The following FHIP1A variants were observed in gnomAD, a reference collection of about 807,000 sequenced individuals.
FHIP1A encodes the protein FHF complex subunit HOOK interacting protein 1A.
A neutral mutation model predicts 88.6 loss-of-function variants in FHIP1A; 61 were observed. The observed-to-expected ratio is 0.69, with a 90% CI of 0.56 to 0.85. The LOEUF (loss-of-function observed/expected upper bound fraction) is 0.85, where lower values mean the gene tolerates loss of function less well. FHIP1A is among the 40% of genes least tolerant of loss of function. The probability of loss-of-function intolerance (pLI) is 0.00; values close to 1 mark genes in which losing one functional copy is unlikely to be tolerated. For synonymous variants in FHIP1A, 478 were observed against 496.0 expected, an observed-to-expected ratio of 0.96 and a Z score of 0.48; for missense variants, 1,154 against 1,273.5, an observed-to-expected ratio of 0.91 and a Z score of 1.43.
chr4:151,662,239 A>G (rs1737486274), intron 13 of FHIP1A, among the ~76,000 whole-genome samples: 1 of 152,236 alleles, frequency 6.6e-6, no homozygotes, highest in African/African-American at 2.4e-5. Flanking sequence ...TATTCTTGCC[A>G]TGATTTCTGC....
intron 7 of FHIP1A, among the ~76,000 whole-genome samples, chr4:151,617,414 G>C (rs1165529991): frequency 6.6e-6 from 1 of 152,052 alleles, no homozygotes; most frequent in Non-Finnish European, 1.5e-5. Flanking sequence ...TCCTTAACCT[G>C]GTTTTGAAAA....
At chr4:151,596,229 A>C (rs993757758) in intron 7 of FHIP1A, among the ~76,000 whole-genome samples, 5 of 152,160 alleles carry the variant, frequency 3.3e-5, no homozygotes, top group Non-Finnish European at 7.4e-5. Flanking sequence ...GGTGGTGACA[A>C]AATCTTTCCG....
chr4:151,480,395 A>G (rs1729851789), intron 2 of FHIP1A, among the ~76,000 whole-genome samples: 1 of 152,198 alleles, frequency 6.6e-6, no homozygotes, highest in South Asian at 2.1e-4. Flanking sequence ...AGTATTTCTC[A>G]TGAATTAGGG....
intron 3 of FHIP1A, among the ~76,000 whole-genome samples, chr4:151,485,716 T>TGAGTAGCTGGTATGAC: frequency 6.6e-6 from 1 of 152,014 alleles, no homozygotes; most frequent in South Asian, 2.1e-4. Context: ...CTCAGCTTCC[T>TGAGTAGCTGGTATGAC]GAGTAGCTGG....
intron 2 of FHIP1A, among the ~76,000 whole-genome samples, chr4:151,465,324 C>T (rs1453800894): frequency 5.3e-5 from 8 of 151,980 alleles, no homozygotes; most frequent in East Asian, 3.9e-4. Flanking sequence ...ACTAAACCAG[C>T]GAGATCGAAT....
intron 3 of FHIP1A, among the ~76,000 whole-genome samples, chr4:151,508,018 A>G (rs749419529): frequency 6.6e-6 from 1 of 152,224 alleles, no homozygotes; most frequent in African/African-American, 2.4e-5. Flanking sequence ...TGAAGAGGCT[A>G]TTTTGAGGTA....
Position 151,664,475 on chromosome 4 carries a change from A to G in FHIP1A, c.*1721A>G, listed in dbSNP as rs1737590364. 6.6e-6 allele frequency among the ~76,000 whole-genome samples: 1 copy of G among 152,210 alleles called. No individual in the cohort carries two copies. The highest frequency in any genetic ancestry group is 2.1e-4 in the South Asian group (1 of 4,832). On this transcript the variant is annotated 3_prime_UTR_variant, in exon 14 of 14. Transcript: ENST00000435205. Reference sequence around the variant, plus strand: ...GCCTTGCTTTCGTGTTTCATAGTCCAAGCAAGACACCAAAGATTCCTACTC... The same window carrying G: ...GCCTTGCTTTCGTGTTTCATAGTCCGAGCAAGACACCAAAGATTCCTACTC...
intron 3 of FHIP1A, among the ~76,000 whole-genome samples, chr4:151,527,117 G>A (rs1427869804): frequency 2.6e-5 from 4 of 152,066 alleles, no homozygotes; most frequent in African/African-American, 9.7e-5. Context: ...CTTCCCAGAC[G>A]GGGTGGCGGC....
At chr4:151,527,664 T>G (rs1365277178) in intron 3 of FHIP1A, among the ~76,000 whole-genome samples, 1 of 152,146 alleles carries the variant, frequency 6.6e-6, no homozygotes, top group Non-Finnish European at 1.5e-5. Context: ...GCTGAGAAGT[T>G]AAAGGTCTGC....
At chr4:151,505,403 G>A (rs1730797726) in intron 3 of FHIP1A, among the ~76,000 whole-genome samples, 1 of 152,128 alleles carries the variant, frequency 6.6e-6, no homozygotes, top group Admixed American at 6.5e-5. Context: ...TTACCAAATG[G>A]CAATGAGGGA....
chr4:151,665,496 T>A lies in FHIP1A; in HGVS notation c.*2742T>A, dbSNP rs903864610. Among the ~76,000 whole-genome samples, 2 of 152,200 alleles carry A rather than the reference T, an allele frequency of 1.3e-5. No individual in the cohort carries two copies. Among genetic ancestry groups the A allele is most frequent in the African/African-American group, 4.8e-5 (2 of 41,442 alleles). ...AATGAAGTCAGAAAATGGAGCTGGA[T>A]GTAGAGAGAACAGGAAAACCCATGT... On this transcript the variant is annotated 3_prime_UTR_variant, in exon 14 of 14. Coordinates refer to ENST00000435205, the MANE Select transcript of FHIP1A (RefSeq NM_001109977.3).
In FHIP1A at chr4:151,649,885, A is replaced by G. The variant is rs369699317; in HGVS notation, c.1844A>G (p.Lys615Arg). ...CCCCCAGCACCCATTGATCCCCCCA[A>G]ACACATCCAGGAGATGAAGAAGAAT... The part of the protein sequence containing the change: ...SGPPAPIDPP[K>R]HIQEMKKNAL... Residue 615 changes from lysine (K) to arginine (R), a missense_variant, in exon 11 of 14, where the codon AAA becomes AGA. Lys to Arg is a conservative substitution (Grantham distance 26). Transcript: ENST00000435205. 100 of 1,551,458 alleles carry G rather than the reference A, an allele frequency of 6.4e-5. No individual in the cohort carries two copies. The East Asian group carries it at 1.0e-3, about 16-fold the overall frequency.
intron 4 of FHIP1A, among the ~76,000 whole-genome samples, 200 bp downstream of exon 4, chr4:151,566,564 C>T (rs1009811914): frequency 7.9e-5 from 12 of 152,094 alleles, no homozygotes; most frequent in African/African-American, 2.9e-4. Context: ...CCATGGTTTT[C>T]ACAAAAGCAA....
chr4:151,666,639 C>G lies in FHIP1A; in HGVS notation c.*3885C>G, dbSNP rs1737676045. On this transcript the variant is annotated 3_prime_UTR_variant, in exon 14 of 14. Transcript: ENST00000435205. The stretch of plus-strand genomic sequence containing the variant: ...GGGTACTCAGGGTCGAAAGTTGTTT[C>G]CAGTGTCTCCAAATCAGCTTGGCTG... Among the ~76,000 whole-genome samples the G allele has an allele frequency of 6.6e-6, 1 of 152,150 alleles. No individual in the cohort carries two copies. Among genetic ancestry groups the G allele is most frequent in the South Asian group, 2.1e-4 (1 of 4,820 alleles).
intron 1 of FHIP1A, among the ~76,000 whole-genome samples, chr4:151,452,747 C>T (rs1018188705): frequency 7.3e-5 from 11 of 149,736 alleles, no homozygotes; most frequent in Admixed American, 4.0e-4. Context: ...CACTGTACTC[C>T]AGCCTGGGTG....
intron 10 of FHIP1A, among the ~76,000 whole-genome samples, chr4:151,648,148 C>G (rs543989920): frequency 6.6e-6 from 1 of 152,228 alleles, no homozygotes; most frequent in South Asian, 2.1e-4. Context: ...GTAGCAGAGC[C>G]AAGACTTAGG....
At chr4:151,423,304 T>G (rs1733245249) in intron 1 of FHIP1A, among the ~76,000 whole-genome samples, 2 of 151,814 alleles carry the variant, frequency 1.3e-5, no homozygotes, top group African/African-American at 4.8e-5. Context: ...GCTAATTTAT[T>G]TATATATTAA....
At chr4:151,575,328 G>C (rs373615493) in intron 4 of FHIP1A, among the ~76,000 whole-genome samples, 18 of 152,178 alleles carry the variant, frequency 1.2e-4, no homozygotes, top group East Asian at 3.8e-4. Context: ...GAGGTAGAGG[G>C]TCCCTTTGGA....
intron 3 of FHIP1A, among the ~76,000 whole-genome samples, chr4:151,509,174 G>GT (rs919977558): frequency 3.3e-5 from 5 of 151,576 alleles, no homozygotes; most frequent in African/African-American, 9.7e-5. Context: ...TTGTTTGTTT[G>GT]TTTTTTTTGA....
Sources: gnomAD v4.1 joint callset for allele counts (sites outside exome capture counted in the v4.1 genomes callset) on GRCh38, gnomAD v4.1.1 for gene constraint, MANE v1.5 for transcripts, NCBI Gene and HGNC (gene_info 2026-07-23, HGNC 2026-07-21) for gene names.